IQGAP2: variants seen among roughly 807,000 people sequenced by gnomAD.
The protein encoded by IQGAP2 is ras GTPase-activating-like protein IQGAP2.
In IQGAP2, 173 loss-of-function variants were observed where a neutral mutation model predicts 201.3. The observed-to-expected ratio is 0.86, with a 90% CI of 0.76 to 0.98. The LOEUF (loss-of-function observed/expected upper bound fraction) is 0.98. IQGAP2 is among the 50% of genes least tolerant of loss of function. The probability of loss-of-function intolerance (pLI) is 0.00; values close to 1 mark genes in which losing one functional copy is unlikely to be tolerated. For synonymous variants in IQGAP2, 675 were observed against 673.9 expected, an observed-to-expected ratio of 1.00 and a Z score of -0.03; for missense variants, 1,687 against 1,864.8, an observed-to-expected ratio of 0.90 and a Z score of 1.76.
intron 1 of IQGAP2, among the ~76,000 whole-genome samples, chr5:76,430,153 G>T (rs182314254): frequency 6.6e-6 from 1 of 152,240 alleles, no homozygotes; most frequent in African/African-American, 2.4e-5. Flanking sequence ...GTTACATAGC[G>T]CTCTGTGACA....
chr5:76,661,464 C>T (rs951434038), intron 21 of IQGAP2, among the ~76,000 whole-genome samples: 1 of 151,982 alleles, frequency 6.6e-6, no homozygotes, highest in Non-Finnish European at 1.5e-5. Flanking sequence ...GCTAAAATTC[C>T]CATTCATGAG....
chr5:76,603,245 A>T (rs1050968944), intron 11 of IQGAP2, among the ~76,000 whole-genome samples: 1 of 152,110 alleles, frequency 6.6e-6, no homozygotes, highest in African/African-American at 2.4e-5. Context: ...ACAGTATTGG[A>T]GCTTCTGAGC....
chr5:76,629,306 G>A (rs909945658), intron 14 of IQGAP2, among the ~76,000 whole-genome samples: 41 of 152,230 alleles, frequency 2.7e-4, no homozygotes, highest in African/African-American at 9.4e-4. Context: ...TTCATTATTT[G>A]CATGAAGACT....
chr5:76,428,420 G>C (rs954002836), intron 1 of IQGAP2, among the ~76,000 whole-genome samples: 23 of 151,190 alleles, frequency 1.5e-4, no homozygotes, highest in African/African-American at 5.4e-4. Flanking sequence ...CCAGGAGTTT[G>C]CTTTGAATCC....
intron 13 of IQGAP2, among the ~76,000 whole-genome samples, chr5:76,620,969 A>G (rs1001477786): frequency 2.0e-5 from 3 of 152,238 alleles, no homozygotes; most frequent in African/African-American, 7.2e-5. Context: ...AACTTTTTGT[A>G]ACCCTTTCAC....
chr5:76,667,095 T>G (rs528095093), intron 22 of IQGAP2, among the ~76,000 whole-genome samples: 15 of 152,250 alleles, frequency 9.9e-5, no homozygotes, highest in South Asian at 4.1e-4. Context: ...TATAGGTTTT[T>G]GGGGGGTTTG....
intron 16 of IQGAP2, 25 bp downstream of exon 16, chr5:76,637,201 A>G (rs763695623): frequency 6.4e-7 from 1 of 1,568,696 alleles, no homozygotes; most frequent in East Asian, 2.3e-5. Flanking sequence ...TTTGATGGAT[A>G]ACTCTACTGT....
At chr5:76,457,343 C>A (rs959014002) in intron 1 of IQGAP2, among the ~76,000 whole-genome samples, 7 of 152,268 alleles carry the variant, frequency 4.6e-5, no homozygotes, top group Non-Finnish European at 5.9e-5. Flanking sequence ...CTAAATAATA[C>A]CCTATTACAG....
At chr5:76,483,954 G>A (rs544174869) in intron 2 of IQGAP2, among the ~76,000 whole-genome samples, 4 of 152,108 alleles carry the variant, frequency 2.6e-5, no homozygotes, top group Non-Finnish European at 5.9e-5. Flanking sequence ...AAGCCTTCTA[G>A]AATTCCCCTA....
At chr5:76,558,788 G>A (rs1028989351) in intron 2 of IQGAP2, among the ~76,000 whole-genome samples, 2 of 152,226 alleles carry the variant, frequency 1.3e-5, no homozygotes, top group African/African-American at 4.8e-5. Context: ...GAAGCTCAGA[G>A]AGGTGAGGGT....
At chr5:76,486,488 C>T (rs1489052944) in intron 2 of IQGAP2, among the ~76,000 whole-genome samples, 1 of 152,166 alleles carries the variant, frequency 6.6e-6, no homozygotes, top group Non-Finnish European at 1.5e-5. Context: ...ATCCTCAACA[C>T]ATAAATTTCA....
At chr5:76,705,245 A>G (rs775033248) in intron 35 of IQGAP2, among the ~76,000 whole-genome samples, 4 of 152,148 alleles carry the variant, frequency 2.6e-5, no homozygotes, top group Non-Finnish European at 4.4e-5. Context: ...ATTCCAGTTG[A>G]TCCTGCAAGA....
intron 2 of IQGAP2, among the ~76,000 whole-genome samples, chr5:76,516,557 G>A (rs1045175517): frequency 6.6e-6 from 1 of 152,072 alleles, no homozygotes; most frequent in Non-Finnish European, 1.5e-5. Context: ...AACATTAATT[G>A]TTCAGAGAAA....
intron 1 of IQGAP2, among the ~76,000 whole-genome samples, chr5:76,405,168 G>A (rs77398370): frequency 0.014 from 2,134 of 152,294 alleles, 27 homozygotes; most frequent in South Asian, 0.035. Context: ...CAAAATTTCC[G>A]TGAATGTGGT....
intron 2 of IQGAP2, among the ~76,000 whole-genome samples, chr5:76,560,108 A>G (rs1007201673): frequency 1.3e-5 from 2 of 152,126 alleles, no homozygotes; most frequent in Non-Finnish European, 2.9e-5. Flanking sequence ...TTTGGTCTTT[A>G]TTTAGAAGTT....
At chr5:76,545,831 T>G (rs1416679492) in intron 2 of IQGAP2, among the ~76,000 whole-genome samples, 1 of 152,242 alleles carries the variant, frequency 6.6e-6, no homozygotes, top group Non-Finnish European at 1.5e-5. Context: ...CACTTTACTA[T>G]TTCAACTTTC....
At chr5:76,594,171 T>G (rs1184184423) in intron 9 of IQGAP2, among the ~76,000 whole-genome samples, 2 of 152,218 alleles carry the variant, frequency 1.3e-5, no homozygotes, top group African/African-American at 4.8e-5. Context: ...AGTTTGTCTT[T>G]TTGCTCTATG....
chr5:76,701,341 A>C, intron 34 of IQGAP2, 128 bp downstream of exon 34: 1 of 844,036 alleles, frequency 1.2e-6, no homozygotes, highest in South Asian at 1.6e-5. Context: ...AAGAATACAC[A>C]AATTGTTATG....
At chr5:76,689,836 G>A (rs1252442808) in intron 30 of IQGAP2, among the ~76,000 whole-genome samples, 1 of 152,018 alleles carries the variant, frequency 6.6e-6, no homozygotes, top group African/African-American at 2.4e-5. Flanking sequence ...TTCAACCTTG[G>A]GCACAGTATA....
Sources: allele counts gnomAD v4.1 joint callset (sites outside exome capture counted in the v4.1 genomes callset), GRCh38; gene constraint gnomAD v4.1.1; transcripts MANE v1.5; gene names NCBI Gene and HGNC (gene_info 2026-07-23, HGNC 2026-07-21).